The following PDK4 variants were observed in gnomAD, a reference collection of about 807,000 sequenced individuals.
PDK4 encodes pyruvate dehydrogenase kinase, isozyme 4.
In PDK4, 43 loss-of-function variants were observed where a neutral mutation model predicts 51.7. The ratio of observed to expected loss-of-function variants is 0.83; its 90% CI spans 0.65 to 1.07. The LOEUF (loss-of-function observed/expected upper bound fraction) is 1.07, where lower values mean the gene tolerates loss of function less well. Ranked by LOEUF, PDK4 falls within the 50% of genes least tolerant of loss-of-function variation. The pLI, the probability that PDK4 is intolerant of heterozygous loss-of-function variation, is 0.00. For missense variants in PDK4, 498 were observed against 503.5 expected (o/e 0.99, Z 0.10); for synonymous variants, 170 against 176.6 (o/e 0.96, Z 0.30).
rs1358566796 is a variant in PDK4 at position 95,593,783 on chromosome 7, A to G, written c.273-13T>C. ...GCTCTGTATATACCTGTAAAGAAAC[A>G]GGTATGCTTTAAGTTTTAAAATTAA... is the stretch of plus-strand genomic sequence containing the variant. On this transcript the variant is annotated splice_polypyrimidine_tract_variant and intron_variant, in intron 2 of 10. Coordinates refer to ENST00000005178, the MANE Select transcript of PDK4 (RefSeq NM_002612.4). 11 of 1,335,418 alleles carry G rather than the reference A, an allele frequency of 8.2e-6. No individual in the cohort carries two copies. Among genetic ancestry groups the G allele is most frequent in the Non-Finnish European group, 9.6e-6 (9 of 941,370 alleles). 82.7% of individuals were successfully genotyped at this position (1,335,418 alleles called of 1,614,324 possible).
chr7:95,594,184 A>G (rs1038063921), intron 2 of PDK4, among the ~76,000 whole-genome samples: 3 of 152,178 alleles, frequency 2.0e-5, no homozygotes, highest in Admixed American at 6.5e-5. Flanking sequence ...TTAGATTGTA[A>G]TTGTCTTATA....
At chr7:95,594,889 A>T (rs1227134740) in intron 2 of PDK4, 134 bp downstream of exon 2, 7 of 507,954 alleles carry the variant, frequency 1.4e-5, no homozygotes, top group Non-Finnish European at 2.4e-5. Context: ...AATTAATTTT[A>T]AAATTCTTAC....
rs140587514 is a variant in PDK4, at chr7:95,587,745, T to G, written c.852A>C (p.Lys284Asn). ...TGGTTACCTTAATGGTAAGGTCTTC[T>G]TTTCCCAAGACAACAATAACCTCTA... is the stretch of plus-strand genomic sequence containing the variant. ...TPIEVIVVLG[K>N]EDLTIKISDR... Residue 284 changes from lysine (K) to asparagine (N), a missense_variant, in exon 8 of 11, where the codon AAA (lysine) becomes AAC (asparagine). By Grantham distance (94) the Lys-to-Asn change is moderately conservative. Coordinates refer to ENST00000005178, the MANE Select transcript of PDK4 (RefSeq NM_002612.4). 7.1e-4 allele frequency: 1,147 copies of G among 1,610,692 alleles called. No homozygotes were observed. The highest frequency in any genetic ancestry group is 9.5e-4 in the Non-Finnish European group (1,113 of 1,177,018).
intron 10 of PDK4, among the ~76,000 whole-genome samples, chr7:95,586,399 T>A (rs1301611845): frequency 6.6e-6 from 1 of 152,086 alleles, no homozygotes; most frequent in East Asian, 1.9e-4. Flanking sequence ...TTCACTGTGT[T>A]GGCCAGGCTG....
intron 9 of PDK4, 70 bp downstream of exon 9, chr7:95,587,348 C>T (rs1364166080): frequency 3.2e-6 from 3 of 936,906 alleles, no homozygotes; most frequent in Non-Finnish European, 5.3e-6. Context: ...TCTAAATAAT[C>T]CCTTGCAATC....
intron 10 of PDK4, 43 bp from the exon 11 acceptor site, chr7:95,585,824 G>GC: frequency 1.3e-6 from 2 of 1,549,448 alleles, no homozygotes; most frequent in Non-Finnish European, 1.8e-6. Flanking sequence ...AAGAAATTAT[G>GC]CATGGCATAA....
rs915301474 is a variant in PDK4, at chr7:95,585,349, T to C, written c.*292A>G. 8.5e-6 allele frequency: 2 copies of C among 236,342 alleles called. No homozygotes were observed. The highest frequency in any genetic ancestry group is 8.1e-6 in the Non-Finnish European group (1 of 122,772). 14.6% of individuals were successfully genotyped at this position (236,342 alleles called of 1,614,324 possible). A position where few individuals can be genotyped will look rare whatever the true frequency, so the allele number is the denominator to read the frequency against. On this transcript the variant is annotated 3_prime_UTR_variant, in exon 11 of 11. Coordinates refer to ENST00000005178, the MANE Select transcript of PDK4 (RefSeq NM_002612.4). Reference sequence around the variant, plus strand: ...ACACTCACTCCCTTTCTTATTCTTATCAAAAACAGATGGAAAACTGAGGCT... The same window carrying C: ...ACACTCACTCCCTTTCTTATTCTTACCAAAAACAGATGGAAAACTGAGGCT...
At chr7:95,590,745 T>C (rs923221412) in intron 6 of PDK4, among the ~76,000 whole-genome samples, 4 of 152,330 alleles carry the variant, frequency 2.6e-5, no homozygotes, top group Admixed American at 6.5e-5. Flanking sequence ...TGTATAAATA[T>C]TACTTGAGAA....
At chr7:95,585,886 A>T (rs1253514622) in intron 10 of PDK4, 105 bp from the exon 11 acceptor site, 2 of 890,204 alleles carry the variant, frequency 2.2e-6, no homozygotes, top group Non-Finnish European at 3.4e-6. Flanking sequence ...GTATCCAAAC[A>T]TTCAAATACA....
Position 95,587,429 on chromosome 7 carries a change from T to G in PDK4, c.970A>C (p.Asn324His), listed in dbSNP as rs777726425. 1.6e-5 allele frequency: 26 copies of G among 1,591,716 alleles called. No individual in the cohort carries two copies. Among genetic ancestry groups the G allele is most frequent in the Non-Finnish European group, 6.9e-6 (8 of 1,159,638 alleles). The change falls in exon 9 of 11, where the codon AAT becomes CAT. Residue 324 changes from asparagine to histidine, a missense_variant. Physicochemically the swap from Asn to His is moderately conservative, Grantham distance 68. Transcript: ENST00000005178. ...ATAATTGTTCTTACCAAAGGAGCAT[T>G]CCGGGAATTATCCATCACAGGCGTT... is the stretch of plus-strand genomic sequence containing the variant. ...APTPVMDNSR[N>H]APLAGFGYGL...
intron 7 of PDK4, among the ~76,000 whole-genome samples, chr7:95,588,026 A>G (rs1468772033): frequency 1.3e-5 from 2 of 152,226 alleles, no homozygotes; most frequent in South Asian, 4.1e-4. Context: ...TTCATTTACT[A>G]TGTAATATAG....
rs1218072488 is a variant in PDK4, at chr7:95,585,751, G to A, written c.1126C>T (p.Pro376Ser). The A allele has an allele frequency of 2.5e-6, 4 of 1,598,918 alleles. No individual in the cohort carries two copies. In the East Asian group the frequency reaches 6.8e-5, roughly 27 times the overall value. Residue 376 changes from proline (P) to serine (S), a missense_variant, in exon 11 of 11, where the codon CCA becomes TCA. Coordinates refer to ENST00000005178, the MANE Select transcript of PDK4 (RefSeq NM_002612.4). Reference sequence around the variant, plus strand: ...TTGAAGGCTGACTTGTTAAAAACTGGAAGTTTTTCTATAGACTCAGAAGAC... The same window carrying A: ...TTGAAGGCTGACTTGTTAAAAACTGAAAGTTTTTCTATAGACTCAGAAGAC... Reference protein sequence around the residue: ...ALSSESIEKLPVFNKSAFKHY... With the variant: ...ALSSESIEKLSVFNKSAFKHY...
At chr7:95,589,771 C>A (rs907266773) in intron 6 of PDK4, 55 bp from the exon 7 acceptor site, 1 of 943,316 alleles carries the variant, frequency 1.1e-6, no homozygotes, top group South Asian at 1.3e-5. Flanking sequence ...CTAAAATAAA[C>A]CACCACATTC....
At chr7:95,585,966 T>C (rs1227743870) in intron 10 of PDK4, among the ~76,000 whole-genome samples, 185 bp from the exon 11 acceptor site, 1 of 151,830 alleles carries the variant, frequency 6.6e-6, no homozygotes, top group Non-Finnish European at 1.5e-5. Flanking sequence ...TTCTTAATAG[T>C]TTGAAGACTT....
chr7:95,596,184 A>T lies in PDK4; in HGVS notation c.110T>A (p.Met37Lys). 3 of 1,603,758 alleles carry T rather than the reference A, an allele frequency of 1.9e-6. No individual in the cohort carries two copies. Among genetic ancestry groups the T allele is most frequent in the Non-Finnish European group, 2.6e-6 (3 of 1,175,488 alleles). Residue 37 changes from methionine to lysine, a missense_variant, in exon 1 of 11, where the codon ATG becomes AAG. Transcript: ENST00000005178. Reference sequence around the variant, plus strand: ...CTCACCAAAGTCCAGTAGCTGCTTCATGGACAGCGGGGACGGGCTGTAGCG... The same window carrying T: ...CTCACCAAAGTCCAGTAGCTGCTTCTTGGACAGCGGGGACGGGCTGTAGCG... ...FSRYSPSPLS[M>K]KQLLDFGSEN...
At position 95,593,734 on chromosome 7, in the gene PDK4, A is replaced by T; in HGVS notation, c.309T>A (p.His103Gln). 2 of 1,549,290 alleles carry T rather than the reference A, an allele frequency of 1.3e-6. No individual in the cohort carries two copies. The highest frequency in any genetic ancestry group is 1.8e-6 in the Non-Finnish European group (2 of 1,121,098). ...IQSLMDLVEFHEKSPDDQKAL... is the reference protein window; with the variant it reads ...IQSLMDLVEFQEKSPDDQKAL... ...CTTTCTGGTCATCTGGGCTTTTCTC[A>T]TGGAATTCCACCAAATCCATCAGGC... is the stretch of plus-strand genomic sequence containing the variant. The change falls in exon 3 of 11, where the codon CAT becomes CAA. Residue 103 changes from histidine to glutamine, a missense_variant. Transcript: ENST00000005178.
intron 10 of PDK4, 46 bp downstream of exon 10, chr7:95,586,964 G>T: frequency 9.4e-7 from 1 of 1,069,010 alleles, no homozygotes; most frequent in Non-Finnish European, 1.5e-6. Flanking sequence ...TATAAAAGGA[G>T]CAATGGTTTT....
At chr7:95,592,409 C>A (rs1791562113) in intron 5 of PDK4, 102 bp downstream of exon 5, 1 of 756,726 alleles carries the variant, frequency 1.3e-6, no homozygotes, top group Non-Finnish European at 2.4e-6. Flanking sequence ...AAATGGAACA[C>A]TCTGTGAATA....
rs1000335690 is a variant in PDK4, at chr7:95,596,337, G to A, written c.-44C>T. The A allele has an allele frequency of 5.9e-6, 9 of 1,538,410 alleles. No individual in the cohort carries two copies. Among genetic ancestry groups the A allele is most frequent in the Non-Finnish European group, 7.0e-6 (8 of 1,144,788 alleles). On this transcript the variant is annotated 5_prime_UTR_variant, in exon 1 of 11. Coordinates refer to ENST00000005178, the MANE Select transcript of PDK4 (RefSeq NM_002612.4). ...TGGCGGGGACTGTGGCTGGCTTGAG[G>A]GGCGAAGGCTGCTCGGAGCAGAGCC...
Sources: allele counts gnomAD v4.1 joint callset (sites outside exome capture counted in the v4.1 genomes callset), GRCh38; gene constraint gnomAD v4.1.1; transcripts MANE v1.5; gene names NCBI Gene and HGNC (gene_info 2026-07-23, HGNC 2026-07-21).